PTPRT: variants seen among roughly 807,000 people sequenced by gnomAD.
PTPRT encodes the protein receptor-type tyrosine-protein phosphatase T.
A neutral mutation model predicts 176.8 loss-of-function variants in PTPRT; 56 were observed. The observed-to-expected ratio is 0.32, with a 90% confidence interval of 0.26 to 0.40. The LOEUF (loss-of-function observed/expected upper bound fraction) is 0.40, where lower values mean the gene tolerates loss of function less well. PTPRT is among the 10% of genes least tolerant of loss of function. The pLI, the probability that PTPRT is intolerant of heterozygous loss-of-function variation, is 1.00. For missense variants in PTPRT, 1,540 were observed against 1,908.2 expected, an observed-to-expected ratio of 0.81 and a Z score of 3.60; for synonymous variants, 783 against 739.0, an observed-to-expected ratio of 1.06 and a Z score of -0.96.
chr20:42,468,994 A>G (rs1438203408), intron 8 of PTPRT, among the ~76,000 whole-genome samples: 1 of 152,120 alleles, frequency 6.6e-6, no homozygotes, highest in East Asian at 1.9e-4. Context: ...ATGTCTGGAC[A>G]TGTCTACAGC....
intron 16 of PTPRT, among the ~76,000 whole-genome samples, chr20:42,182,899 C>T (rs1267670383): frequency 8.0e-6 from 1 of 125,420 alleles, no homozygotes; most frequent in East Asian, 2.6e-4. Flanking sequence ...GTTAATCCTA[C>T]AAGCAGGGGT....
rs574561115 is a variant in PTPRT, at chr20:42,482,575, G to C, written c.1154-10013C>G. On this transcript the variant is annotated intron_variant, in intron 7 of 30. Coordinates refer to ENST00000373187, the MANE Select transcript of PTPRT (RefSeq NM_007050.6). ...CCTTATGGTGTATATATTCTAGTGGGGGTAGGAGATTAAATAATATATCAG... is the reference window on the plus strand; with the variant it reads ...CCTTATGGTGTATATATTCTAGTGGCGGTAGGAGATTAAATAATATATCAG... Among the ~76,000 whole-genome samples, 5 of 152,244 alleles carry C rather than the reference G, an allele frequency of 3.3e-5. No homozygotes were observed. The South Asian group carries it at 1.0e-3, about 32-fold the overall frequency.
chr20:42,311,929 G>A (rs556726006), intron 12 of PTPRT, among the ~76,000 whole-genome samples: 1 of 152,148 alleles, frequency 6.6e-6, no homozygotes, highest in African/African-American at 2.4e-5. Flanking sequence ...TCTAACATGA[G>A]AAAATGAGCA....
chr20:42,299,641 CTTTTTTTTTTTTT>C, intron 12 of PTPRT, among the ~76,000 whole-genome samples: 1 of 85,986 alleles, frequency 1.2e-5, no homozygotes, highest in South Asian at 4.8e-4. Flanking sequence ...GAACTTTTGC[CTTTTTTTTTTTTT>C]TTTTTTTTTT....
At chr20:43,034,268 C>T (rs1197570502) in intron 1 of PTPRT, among the ~76,000 whole-genome samples, 1 of 152,128 alleles carries the variant, frequency 6.6e-6, no homozygotes, top group African/African-American at 2.4e-5. Context: ...AAGTTCAGGA[C>T]CAAAACGCAC....
chr20:43,163,160 C>T (rs909524199), intron 1 of PTPRT, among the ~76,000 whole-genome samples: 1 of 152,232 alleles, frequency 6.6e-6, no homozygotes, highest in Non-Finnish European at 1.5e-5. Flanking sequence ...TCAGCATCCT[C>T]TTAGCAATTT....
chr20:42,251,117 A>G lies in PTPRT; in HGVS notation c.2177-2295T>C, dbSNP rs142861943. Among the ~76,000 whole-genome samples, 15 of 152,306 alleles carry G rather than the reference A, an allele frequency of 9.8e-5. No homozygotes were observed. In the East Asian group the frequency reaches 2.5e-3, roughly 26 times the overall value. Reference sequence around the variant, plus strand: ...GCATAAAGGAAGGGGAGAATCTCAGATCCAAATTTCCTCAATATTGATAGA... The same window carrying G: ...GCATAAAGGAAGGGGAGAATCTCAGGTCCAAATTTCCTCAATATTGATAGA... On this transcript the variant is annotated intron_variant, in intron 13 of 30. Coordinates refer to ENST00000373187, the MANE Select transcript of PTPRT (RefSeq NM_007050.6).
At chr20:42,528,914 C>A (rs2072327324) in intron 7 of PTPRT, among the ~76,000 whole-genome samples, 1 of 152,188 alleles carries the variant, frequency 6.6e-6, no homozygotes, top group African/African-American at 2.4e-5. Context: ...CTAGAAAGTG[C>A]ATCTCACCTG....
rs558930742 is a variant in PTPRT, at chr20:42,694,623, C to T, written c.860-16464G>A. ...AGAACTATCAAACTGCTTTCCACAGCGGCTACATCATTTTACATTACTACT... is the reference window on the plus strand; with the variant it reads ...AGAACTATCAAACTGCTTTCCACAGTGGCTACATCATTTTACATTACTACT... On this transcript the variant is annotated intron_variant, in intron 6 of 30. Transcript: ENST00000373187. 2.6e-4 allele frequency among the ~76,000 whole-genome samples: 40 copies of T among 152,248 alleles called. 1 individual carries two copies. The South Asian group carries it at 7.5e-3, about 28-fold the overall frequency.
At chr20:42,824,973 T>C (rs1467137471) in intron 2 of PTPRT, among the ~76,000 whole-genome samples, 11 of 152,004 alleles carry the variant, frequency 7.2e-5, no homozygotes, top group African/African-American at 2.4e-5. Context: ...AAACATAAAA[T>C]ATATTTGGCT....
intron 4 of PTPRT, among the ~76,000 whole-genome samples, chr20:42,779,311 T>C (rs1041231321): frequency 6.6e-6 from 1 of 152,162 alleles, no homozygotes; most frequent in East Asian, 1.9e-4. Context: ...AACTGCACCA[T>C]AGCCCAAAGC....
chr20:43,098,453 C>A (rs1173074802), intron 1 of PTPRT, among the ~76,000 whole-genome samples: 1 of 152,126 alleles, frequency 6.6e-6, no homozygotes, highest in African/African-American at 2.4e-5. Context: ...ATTACCCAAT[C>A]CCCTAAGAGT....
chr20:42,333,301 G>T (rs1220261765), intron 11 of PTPRT, among the ~76,000 whole-genome samples: 1 of 151,996 alleles, frequency 6.6e-6, no homozygotes, highest in Non-Finnish European at 1.5e-5. Context: ...TATTATTTGG[G>T]GAAATAAAAA....
chr20:42,188,854 T>C (rs1381973287), intron 16 of PTPRT, among the ~76,000 whole-genome samples: 1 of 152,136 alleles, frequency 6.6e-6, no homozygotes. Context: ...TTTACTGAGG[T>C]CTCTTTGAAA....
At chr20:42,183,229 T>C (rs527378995) in intron 16 of PTPRT, among the ~76,000 whole-genome samples, 1 of 152,250 alleles carries the variant, frequency 6.6e-6, no homozygotes, top group East Asian at 1.9e-4. Context: ...CTTAATCCTA[T>C]GGTTCTAATA....
chr20:42,291,050 T>C (rs1568744123), intron 12 of PTPRT, among the ~76,000 whole-genome samples: 1 of 152,274 alleles, frequency 6.6e-6, no homozygotes, highest in South Asian at 2.1e-4. Context: ...CCAACTTGTG[T>C]CTTTATTTTG....
intron 6 of PTPRT, among the ~76,000 whole-genome samples, chr20:42,688,803 T>A (rs1049525811): frequency 6.6e-6 from 1 of 152,084 alleles, no homozygotes. Context: ...GGCAGGTACA[T>A]GAAGGCTGGG....
At position 42,229,976 on chromosome 20, in the gene PTPRT, T is replaced by C. The variant is rs557968075; in HGVS notation, c.2342+6253A>G. On this transcript the variant is annotated intron_variant, in intron 15 of 30. Coordinates refer to ENST00000373187, the MANE Select transcript of PTPRT (RefSeq NM_007050.6). The stretch of plus-strand genomic sequence containing the variant: ...CAGGCACTTACTGGGGTTCACTGCA[T>C]GTGTTAGGAGTTCCATGGAGAATAC... 2.6e-5 allele frequency among the ~76,000 whole-genome samples: 4 copies of C among 152,294 alleles called. No individual in the cohort carries two copies. The South Asian group carries it at 8.3e-4, about 32-fold the overall frequency.
chr20:42,625,752 C>A (rs528275144), intron 7 of PTPRT, among the ~76,000 whole-genome samples: 1 of 151,910 alleles, frequency 6.6e-6, no homozygotes, highest in Admixed American at 6.6e-5. Context: ...ACAGTCAACT[C>A]GGAGATCAGG....
Sources: allele counts gnomAD v4.1 joint callset (sites outside exome capture counted in the v4.1 genomes callset), GRCh38; gene constraint gnomAD v4.1.1; transcripts MANE v1.5; gene names NCBI Gene and HGNC (gene_info 2026-07-23, HGNC 2026-07-21).